The following DIAPH2 variants were observed in gnomAD, a reference collection of about 807,000 sequenced individuals.
DIAPH2 encodes diaphanous related formin 2, also known as protein diaphanous homolog 2.
DIAPH2 carries 35 observed loss-of-function variants against 92.7 expected under a neutral mutation model. The observed-to-expected ratio is 0.38, with a 90% CI of 0.29 to 0.50. DIAPH2 has a LOEUF of 0.50. Among genes scored for constraint, DIAPH2 ranks in the 20% least tolerant of loss-of-function variants. DIAPH2 has a pLI of 0.94. For synonymous variants in DIAPH2, 301 were observed against 280.4 expected (o/e 1.07, Z -0.73); for missense variants, 701 against 819.5 (o/e 0.86, Z 1.77).
chrX:97,523,391 G>A (rs1035409957), intron 26 of DIAPH2, among the ~76,000 whole-genome samples: 2 of 111,749 alleles, frequency 1.8e-5, no homozygotes, highest in Non-Finnish European at 3.8e-5. Flanking sequence ...TAATGACCAC[G>A]ATTAAATGGA....
intron 26 of DIAPH2, among the ~76,000 whole-genome samples, chrX:97,511,360 TG>T (rs1357540456): frequency 1.3e-5 from 1 of 76,325 alleles, no homozygotes; most frequent in African/African-American, 5.7e-5. Flanking sequence ...ACATTGATTT[TG>T]TATCCTGAGA....
chrX:97,162,554 G>T (rs907181428), intron 22 of DIAPH2, among the ~76,000 whole-genome samples: 1 of 111,317 alleles, frequency 9.0e-6, no homozygotes, highest in Non-Finnish European at 1.9e-5. Context: ...ACCCAGGCTG[G>T]AGTGCAGTGG....
chrX:96,920,336 T>G (rs756479002), intron 9 of DIAPH2, among the ~76,000 whole-genome samples: 7 of 111,975 alleles, frequency 6.3e-5, no homozygotes, highest in Non-Finnish European at 1.1e-4. Flanking sequence ...TAACTAAATT[T>G]CACTGGTTTT....
intron 15 of DIAPH2, among the ~76,000 whole-genome samples, chrX:96,957,221 A>G (rs144590546): frequency 0.05 from 5,571 of 111,997 alleles, 360 homozygotes; most frequent in African/African-American, 0.17. Context: ...GGGTTTCGCC[A>G]TGTTGGCCAG....
intron 23 of DIAPH2, among the ~76,000 whole-genome samples, chrX:97,266,324 C>T (rs59490040): frequency 0.048 from 5,405 of 111,599 alleles, 131 homozygotes; most frequent in African/African-American, 0.09. Flanking sequence ...GGCTATTCTC[C>T]TTTATTATTT....
intron 19 of DIAPH2, among the ~76,000 whole-genome samples, chrX:97,093,308 A>G (rs1408315806): frequency 9.0e-6 from 1 of 111,625 alleles, no homozygotes; most frequent in African/African-American, 3.3e-5. Flanking sequence ...ATGGATATCA[A>G]TCAGAGGAAA....
At chrX:97,423,240 C>T (rs764844909) in intron 25 of DIAPH2, among the ~76,000 whole-genome samples, 4 of 111,507 alleles carry the variant, frequency 3.6e-5, no homozygotes, top group Admixed American at 1.9e-4. Flanking sequence ...GAGGAAGACA[C>T]TGTATCTTCC....
intron 26 of DIAPH2, among the ~76,000 whole-genome samples, chrX:97,457,965 G>A (rs2070422329): frequency 8.9e-6 from 1 of 111,893 alleles, no homozygotes; most frequent in South Asian, 3.8e-4. Flanking sequence ...TGTTATAGTA[G>A]CCCAAATGGA....
chrX:97,014,310 C>T (rs1337263758), intron 17 of DIAPH2, among the ~76,000 whole-genome samples: 5 of 111,645 alleles, frequency 4.5e-5, no homozygotes, highest in Non-Finnish European at 9.4e-5. Context: ...GGAATATCTG[C>T]GAACCAGGTT....
At chrX:97,548,317 T>A (rs769255075) in intron 26 of DIAPH2, among the ~76,000 whole-genome samples, 9 of 112,310 alleles carry the variant, frequency 8.0e-5, no homozygotes, top group Non-Finnish European at 1.1e-4. Context: ...TCTTTCCTGA[T>A]TACATGGCCA....
chrX:97,022,597 G>T (rs1192431868), intron 17 of DIAPH2, among the ~76,000 whole-genome samples: 1 of 111,445 alleles, frequency 9.0e-6, no homozygotes, highest in Non-Finnish European at 1.9e-5. Flanking sequence ...TTAATACTTA[G>T]TTGTGGAAAA....
At chrX:97,184,268 G>C (rs1243681661) in intron 22 of DIAPH2, among the ~76,000 whole-genome samples, 1 of 111,765 alleles carries the variant, frequency 8.9e-6, no homozygotes, top group African/African-American at 3.3e-5. Context: ...GCATGTCTTA[G>C]TTACAAACAC....
intron 26 of DIAPH2, among the ~76,000 whole-genome samples, chrX:97,483,365 G>T (rs1026125804): frequency 9.2e-6 from 1 of 108,159 alleles, no homozygotes; most frequent in African/African-American, 3.3e-5. Flanking sequence ...ATATGAATAA[G>T]TTAGGAAACT....
intron 4 of DIAPH2, among the ~76,000 whole-genome samples, chrX:96,816,461 C>G (rs1049666528): frequency 2.7e-5 from 3 of 112,089 alleles, no homozygotes; most frequent in African/African-American, 9.7e-5. Context: ...GAGAGAGATG[C>G]ATATGAAAAG....
chrX:96,827,108 C>T (rs1260200180), intron 4 of DIAPH2, among the ~76,000 whole-genome samples: 1 of 112,428 alleles, frequency 8.9e-6, no homozygotes, highest in Non-Finnish European at 1.9e-5. Context: ...CATTCTTGTA[C>T]TTGAACACAT....
At chrX:97,224,050 G>C (rs982867834) in intron 22 of DIAPH2, among the ~76,000 whole-genome samples, 1 of 110,790 alleles carries the variant, frequency 9.0e-6, no homozygotes, top group Non-Finnish European at 1.9e-5. Context: ...ATTTGTTTGG[G>C]GTATGCTCTT....
At chrX:97,058,005 T>G (rs980164123) in intron 17 of DIAPH2, among the ~76,000 whole-genome samples, 1 of 111,704 alleles carries the variant, frequency 9.0e-6, no homozygotes, top group Non-Finnish European at 1.9e-5. Flanking sequence ...ACTTGCTTAC[T>G]GTCTATGTAG....
chrX:96,784,830 C>A (rs918966728), intron 4 of DIAPH2, among the ~76,000 whole-genome samples: 1 of 111,669 alleles, frequency 9.0e-6, no homozygotes, highest in Non-Finnish European at 1.9e-5. Flanking sequence ...AGAGTGGAAA[C>A]CTTGGAAATG....
chrX:97,348,400 A>C, intron 24 of DIAPH2, 120 bp downstream of exon 24: 1 of 620,552 alleles, frequency 1.6e-6, no homozygotes, highest in Non-Finnish European at 2.4e-6. Flanking sequence ...TTTTTTAATA[A>C]GAATTGACAG....
Sources: gnomAD v4.1 joint callset for allele counts (sites outside exome capture counted in the v4.1 genomes callset) on GRCh38, gnomAD v4.1.1 for gene constraint, MANE v1.5 for transcripts, NCBI Gene and HGNC (gene_info 2026-07-23, HGNC 2026-07-21) for gene names.